TEX12: variants seen among roughly 807,000 people sequenced by gnomAD.
The protein encoded by TEX12 is testis-expressed protein 12.
TEX12 carries 7 observed loss-of-function variants against 14.6 expected under a neutral mutation model. The observed-to-expected ratio is 0.48, with a 90% CI of 0.27 to 0.90. The LOEUF (loss-of-function observed/expected upper bound fraction) is 0.90. Ranked by LOEUF, TEX12 falls within the 40% of genes least tolerant of loss-of-function variation. TEX12 has a pLI of 0.12. For synonymous variants in TEX12, 57 were observed against 49.1 expected (o/e 1.16, Z -0.67); for missense variants, 121 against 135.7 (o/e 0.89, Z 0.54).
At chr11:112,171,275 C>T (rs1293277973) in intron 4 of TEX12, among the ~76,000 whole-genome samples, 1 of 151,934 alleles carries the variant, frequency 6.6e-6, no homozygotes, top group East Asian at 1.9e-4. Context: ...AGGTTATATG[C>T]AAATACTATG....
At chr11:112,169,191 A>C (rs1866761787) in intron 1 of TEX12, 62 bp from the exon 2 acceptor site, 1 of 1,115,062 alleles carries the variant, frequency 9.0e-7, no homozygotes, top group Non-Finnish European at 1.4e-6. Flanking sequence ...ACAGGGAAGG[A>C]TTCCAGAGAG....
intron 2 of TEX12, among the ~76,000 whole-genome samples, chr11:112,169,741 A>G (rs1866769098): frequency 6.6e-6 from 1 of 152,220 alleles, no homozygotes; most frequent in Non-Finnish European, 1.5e-5. Context: ...TGCTCCCTTG[A>G]AGATTATATT....
intron 1 of TEX12, among the ~76,000 whole-genome samples, chr11:112,168,327 G>T (rs1166531399): frequency 6.6e-6 from 1 of 152,092 alleles, no homozygotes; most frequent in Non-Finnish European, 1.5e-5. Context: ...AATCCCTTCC[G>T]AATTTATGGA....
chr11:112,169,375 A>G, intron 2 of TEX12, 44 bp downstream of exon 2: 1 of 1,445,542 alleles, frequency 6.9e-7, no homozygotes, highest in East Asian at 2.3e-5. Context: ...ATTCTGTTTT[A>G]CATACTACTC....
Position 112,171,983 on chromosome 11 carries a change from G to T in TEX12, c.*67G>T. 6 of 1,219,794 alleles carry T rather than the reference G, an allele frequency of 4.9e-6. No individual in the cohort carries two copies. Among genetic ancestry groups the T allele is most frequent in the African/African-American group, 1.6e-5 (1 of 64,174 alleles). The allele number at this position is 1,219,794 out of a possible 1,614,324, so 75.6% of individuals were successfully genotyped here. A position where few individuals can be genotyped will look rare whatever the true frequency, so the allele number is the denominator to read the frequency against. On this transcript the variant is annotated 3_prime_UTR_variant, in exon 5 of 5. Coordinates refer to ENST00000280358, the MANE Select transcript of TEX12 (RefSeq NM_031275.4). ...GTTATAATGAAAGAATGACATTTAT[G>T]CTTTGAAAGCTCTCGAGTTGTTAAA...
intron 4 of TEX12, among the ~76,000 whole-genome samples, chr11:112,170,941 A>C (rs73572017): frequency 0.022 from 3,311 of 152,206 alleles, 55 homozygotes; most frequent in African/African-American, 0.045. Context: ...ATGACATTAC[A>C]TTTTAAATTT....
Position 112,169,349 on chromosome 11 carries a change from G to A in TEX12, c.63+18G>A, listed in dbSNP as rs934724782. ...AATTGGAGGTAAGCTGTATGCCTATGGAGCCTTAATCTTTTATTCTGTTTT... is the reference window on the plus strand; with the variant it reads ...AATTGGAGGTAAGCTGTATGCCTATAGAGCCTTAATCTTTTATTCTGTTTT... On this transcript the variant is annotated intron_variant, in intron 2 of 4. Transcript: ENST00000280358. 11 of 1,587,034 alleles carry A rather than the reference G, an allele frequency of 6.9e-6. No individual in the cohort carries two copies. The African/African-American group carries it at 1.2e-4, about 17-fold the overall frequency.
Position 112,170,513 on chromosome 11 carries a change from T to G in TEX12, c.158T>G (p.Leu53Trp). Residue 53 changes from leucine to tryptophan, a missense_variant, in exon 3 of 5, where the codon TTG becomes TGG. By Grantham distance (61) the Leu-to-Trp change is moderately conservative. Coordinates refer to ENST00000280358, the MANE Select transcript of TEX12 (RefSeq NM_031275.4). ...GGACTATTTTATAAAGATGAAGCCT[T>G]GGAGAAAGATTTAAATGGTGATGTA... is the stretch of plus-strand genomic sequence containing the variant. ...ISGLFYKDEA[L>W]EKDLNDVSKE... 6.2e-7 allele frequency: 1 copy of G among 1,611,162 alleles called. No individual in the cohort carries two copies. The highest frequency in any genetic ancestry group is 8.5e-7 in the Non-Finnish European group (1 of 1,177,690).
At position 112,172,494 on chromosome 11, in the gene TEX12, C is replaced by G. The variant is rs1203951465; in HGVS notation, c.*578C>G. ...TTATTATGTATGACTAATAAAAGCT[C>G]TCGGCTTAAAATTATTTTCTTGTGG... On this transcript the variant is annotated 3_prime_UTR_variant, in exon 5 of 5. Coordinates refer to ENST00000280358, the MANE Select transcript of TEX12 (RefSeq NM_031275.4). 2 of 152,014 alleles carry G rather than the reference C, an allele frequency of 1.3e-5. No individual in the cohort carries two copies. Among genetic ancestry groups the G allele is most frequent in the Non-Finnish European group, 2.9e-5 (2 of 67,960 alleles). 9.4% of individuals were successfully genotyped at this position (152,014 alleles called of 1,614,324 possible). A position where few individuals can be genotyped will look rare whatever the true frequency, so the allele number is the denominator to read the frequency against.
Position 112,168,954 on chromosome 11 carries a change from G to A in TEX12, c.-16-299G>A, listed in dbSNP as rs1030435345. Among the ~76,000 whole-genome samples the A allele has an allele frequency of 5.9e-5, 9 of 152,310 alleles. 1 individual carries two copies. The South Asian group carries it at 1.7e-3, about 28-fold the overall frequency. ...AGAGAGGAGTAGTTGAAAATGATGG[G>A]ACTAGTAGGCTTGCACCAGATAATA... On this transcript the variant is annotated intron_variant, in intron 1 of 4. Coordinates refer to ENST00000280358, the MANE Select transcript of TEX12 (RefSeq NM_031275.4).
chr11:112,168,340 A>C (rs1374175041), intron 1 of TEX12, among the ~76,000 whole-genome samples: 3 of 152,212 alleles, frequency 2.0e-5, no homozygotes, highest in Non-Finnish European at 4.4e-5. Context: ...TTTATGGAAA[A>C]GTAAAAGTAA....
intron 1 of TEX12, among the ~76,000 whole-genome samples, chr11:112,167,738 G>A (rs759113265): frequency 2.0e-5 from 3 of 152,276 alleles, no homozygotes; most frequent in South Asian, 4.1e-4. Flanking sequence ...TTTGGCACAC[G>A]ACGAAGACCA....
rs761387860 is a variant in TEX12, at chr11:112,170,657, C to G, written c.210C>G (p.Thr70=). 5 of 1,610,916 alleles carry G rather than the reference C, an allele frequency of 3.1e-6. No individual in the cohort carries two copies. The South Asian group carries it at 5.5e-5, about 18-fold the overall frequency. Residue 70 remains threonine (T), a synonymous_variant, in exon 4 of 5, where the codon ACC becomes ACG. Transcript: ENST00000280358. The stretch of plus-strand genomic sequence containing the variant: ...AGGAAATTAATCTAATGTTGTCTAC[C>G]TATGCAAAGCTTTTAAGGCAAGTAC... ...VSKEINLMLS[T]YAKLLSERAA...
rs1043455141 is a variant in TEX12 at position 112,170,763 on chromosome 11, A to G, written c.227+89A>G. ...GGGAAGTTTAATTCTGTGGCTGCCA[A>G]ACCTCTCCAGTAATTAAAACTTTGG... On this transcript the variant is annotated intron_variant, in intron 4 of 4. Coordinates refer to ENST00000280358, the MANE Select transcript of TEX12 (RefSeq NM_031275.4). 3.0e-6 allele frequency: 3 copies of G among 1,003,396 alleles called. No individual in the cohort carries two copies. The African/African-American group carries it at 4.9e-5, about 16-fold the overall frequency. 62.2% of individuals were successfully genotyped at this position (1,003,396 alleles called of 1,614,324 possible). A position where few individuals can be genotyped will look rare whatever the true frequency, so the allele number is the denominator to read the frequency against.
intron 2 of TEX12, 53 bp from the exon 3 acceptor site, chr11:112,170,366 A>G (rs1866775212): frequency 8.2e-7 from 1 of 1,212,322 alleles, no homozygotes; most frequent in Admixed American, 2.2e-5. Context: ...CAAAATGTAT[A>G]TGTCCTGAAG....
At position 112,167,444 on chromosome 11, in the gene TEX12, G is replaced by C. The variant is rs1323264345; in HGVS notation, c.-60G>C. ...ATTGGCCTTGGGGTGGGGCTGGAGGGATGGGCGCCTGTGAGAATGTGACGG... is the reference window on the plus strand; with the variant it reads ...ATTGGCCTTGGGGTGGGGCTGGAGGCATGGGCGCCTGTGAGAATGTGACGG... On this transcript the variant is annotated 5_prime_UTR_variant, in exon 1 of 5. Transcript: ENST00000280358. The C allele has an allele frequency of 6.6e-6, 1 of 152,566 alleles. No individual in the cohort carries two copies. Among genetic ancestry groups the C allele is most frequent in the Non-Finnish European group, 1.5e-5 (1 of 68,292 alleles). 9.5% of individuals were successfully genotyped at this position (152,566 alleles called of 1,614,324 possible).
Position 112,170,657 on chromosome 11 carries a change from C to T in TEX12, c.210C>T (p.Thr70=), listed in dbSNP as rs761387860. 3 of 1,610,916 alleles carry T rather than the reference C, an allele frequency of 1.9e-6. No homozygotes were observed. The highest frequency in any genetic ancestry group is 2.2e-5 in the East Asian group (1 of 44,732). ...AGGAAATTAATCTAATGTTGTCTAC[C>T]TATGCAAAGCTTTTAAGGCAAGTAC... ...VSKEINLMLS[T]YAKLLSERAA... The change falls in exon 4 of 5, where the codon ACC becomes ACT. Residue 70 remains threonine, a synonymous_variant. Transcript: ENST00000280358.
intron 4 of TEX12, among the ~76,000 whole-genome samples, 175 bp from the exon 5 acceptor site, chr11:112,171,597 C>T (rs1443332973): frequency 1.3e-5 from 2 of 151,276 alleles, no homozygotes; most frequent in Non-Finnish European, 3.0e-5. Context: ...TTTGAGTAGT[C>T]AAAAATATTT....
intron 2 of TEX12, among the ~76,000 whole-genome samples, chr11:112,169,849 T>C (rs1191822197): frequency 6.6e-6 from 1 of 152,224 alleles, no homozygotes; most frequent in East Asian, 1.9e-4. Flanking sequence ...CAGACGCTTT[T>C]TCAACAGGAG....
Sources: allele counts gnomAD v4.1 joint callset (sites outside exome capture counted in the v4.1 genomes callset), GRCh38; gene constraint gnomAD v4.1.1; transcripts MANE v1.5; gene names NCBI Gene and HGNC (gene_info 2026-07-23, HGNC 2026-07-21).